Variants in CECR2 observed in about 807,000 individuals in gnomAD.
The protein encoded by CECR2 is chromatin remodeling regulator CECR2.
A neutral mutation model predicts 154.5 loss-of-function variants in CECR2; 30 were observed. That is an observed-to-expected ratio of 0.19 (90% CI 0.15 to 0.26). The LOEUF (loss-of-function observed/expected upper bound fraction) is 0.26, where lower values mean the gene tolerates loss of function less well. Among genes scored for constraint, CECR2 ranks in the 10% least tolerant of loss-of-function variants. The pLI is 1.00. For synonymous variants in CECR2, 725 were observed against 683.7 expected (o/e 1.06, Z -0.94); for missense variants, 1,743 against 1,829.3 (o/e 0.95, Z 0.86).
chr22:17,367,639 G>C (rs1015627075), upstream of CECR2, among the ~76,000 whole-genome samples: 1 of 152,204 alleles, frequency 6.6e-6, no homozygotes, highest in Non-Finnish European at 1.5e-5. Context: ...CACCCGCCTC[G>C]GCCTCCCAAA....
intron 1 of CECR2, among the ~76,000 whole-genome samples, chr22:17,386,169 A>G (rs886450017): frequency 3.9e-5 from 6 of 152,154 alleles, no homozygotes; most frequent in Admixed American, 3.9e-4. Context: ...AGTATTAGGA[A>G]AATGACAACG....
At chr22:17,496,280 G>A (rs544474097) in intron 2 of CECR2, among the ~76,000 whole-genome samples, 13 of 152,160 alleles carry the variant, frequency 8.5e-5, no homozygotes, top group African/African-American at 3.1e-4. Flanking sequence ...GGTGGATCAC[G>A]AGGTCAGGAG....
At chr22:17,366,412 C>T (rs2063002051), upstream of CECR2, among the ~76,000 whole-genome samples, 1 of 152,202 alleles carries the variant, frequency 6.6e-6, no homozygotes, top group Non-Finnish European at 1.5e-5. Flanking sequence ...TGGTCTCGAT[C>T]TCTTTACCTC....
intron 1 of CECR2, among the ~76,000 whole-genome samples, chr22:17,444,284 CAT>C (rs2054626256): frequency 6.6e-6 from 1 of 152,128 alleles, no homozygotes; most frequent in Non-Finnish European, 1.5e-5. Context: ...CACCAGGTGA[CAT>C]ATGAATAAGC....
rs148343228 is a variant in CECR2 at position 17,384,284 on chromosome 22, G to A, written c.126+14375G>A. Reference sequence around the variant, plus strand: ...TTTTTTGTAGAGATGGGGTCTCGCTGTGTTGCCCAGACTGGTCTTGACTTC... The same window carrying A: ...TTTTTTGTAGAGATGGGGTCTCGCTATGTTGCCCAGACTGGTCTTGACTTC... On this transcript the variant is annotated intron_variant, in intron 1 of 18. Transcript: ENST00000262608. Among the ~76,000 whole-genome samples the A allele has an allele frequency of 7.0e-3, 1,073 of 152,230 alleles. 11 individuals carry two copies. The highest frequency in any genetic ancestry group is 0.025 in the African/African-American group (1,031 of 41,532).
intron 13 of CECR2, 112 bp downstream of exon 13, chr22:17,539,231 G>T: frequency 8.1e-7 from 1 of 1,241,232 alleles, no homozygotes; most frequent in Non-Finnish European, 1.1e-6. Flanking sequence ...TGAACAGAAT[G>T]TGTATGAAAA....
At chr22:17,498,127 A>G (rs1429162702) in intron 3 of CECR2, among the ~76,000 whole-genome samples, 2 of 152,230 alleles carry the variant, frequency 1.3e-5, no homozygotes, top group African/African-American at 2.4e-5. Flanking sequence ...GCTGTGGCTC[A>G]CGCCTGTAAT....
chr22:17,496,555 C>G (rs933782214), intron 2 of CECR2, among the ~76,000 whole-genome samples: 3 of 151,942 alleles, frequency 2.0e-5, no homozygotes, highest in African/African-American at 7.3e-5. Flanking sequence ...ATGCAGTGTT[C>G]ATGCCTTAAA....
intron 1 of CECR2, among the ~76,000 whole-genome samples, chr22:17,456,468 G>A (rs1442264617): frequency 1.3e-5 from 2 of 152,112 alleles, no homozygotes; most frequent in Non-Finnish European, 2.9e-5. Flanking sequence ...TTTGTCATTT[G>A]TAATTTGAAA....
At chr22:17,442,865 G>A (rs1258256014) in intron 1 of CECR2, among the ~76,000 whole-genome samples, 1 of 152,182 alleles carries the variant, frequency 6.6e-6, no homozygotes, top group Non-Finnish European at 1.5e-5. Flanking sequence ...GATGATAGTA[G>A]TAATTCACAG....
At chr22:17,547,020 C>CA (rs2056624642) in intron 16 of CECR2, among the ~76,000 whole-genome samples, 1 of 116,210 alleles carries the variant, frequency 8.6e-6, no homozygotes, top group African/African-American at 3.4e-5. Context: ...GCCTGGGCAT[C>CA]AGAGTGAGAC....
chr22:17,481,958 T>C (rs534882455), intron 2 of CECR2, among the ~76,000 whole-genome samples: 109 of 149,888 alleles, frequency 7.3e-4, no homozygotes, highest in Non-Finnish European at 1.0e-3. Flanking sequence ...CTACTAAAGA[T>C]ACAAAAAAGT....
At chr22:17,477,467 T>C in intron 1 of CECR2, 121 bp from the exon 2 acceptor site, 1 of 698,638 alleles carries the variant, frequency 1.4e-6, no homozygotes, top group South Asian at 1.6e-5. Context: ...AGCTGATCTC[T>C]GGCAAGTCCT....
In CECR2 at chr22:17,553,575, A is replaced by G. The variant is rs2056740908; in HGVS notation, c.*735A>G. On this transcript the variant is annotated 3_prime_UTR_variant, in exon 19 of 19. Transcript: ENST00000262608. ...CTTCCTTCCTTCCAGTCAGCCTGAG[A>G]GAGAACACCTGTCCCCTAAGCACCT... 1 of 152,222 alleles carries G rather than the reference A, an allele frequency of 6.6e-6. No individual in the cohort carries two copies. The highest frequency in any genetic ancestry group is 2.4e-5 in the African/African-American group (1 of 41,438). The allele number at this position is 152,222 out of a possible 1,614,324, so 9.4% of individuals were successfully genotyped here.
At chr22:17,419,302 A>C (rs992339458) in intron 1 of CECR2, 5 of 160,330 alleles carry the variant, frequency 3.1e-5, no homozygotes, top group African/African-American at 1.2e-4. Flanking sequence ...AGAACTCCAC[A>C]TCGGCCTGAA....
intron 9 of CECR2, among the ~76,000 whole-genome samples, chr22:17,536,566 G>A (rs906755271): frequency 6.6e-6 from 1 of 152,212 alleles, no homozygotes; most frequent in Non-Finnish European, 1.5e-5. Context: ...GCCTGATCTG[G>A]GGGTGGGGTG....
At chr22:17,534,857 C>CA (rs551773727) in intron 9 of CECR2, 90 of 125,974 alleles carry the variant, frequency 7.1e-4, no homozygotes, top group Middle Eastern at 8.5e-3. Context: ...AACTCTGTCT[C>CA]AAAAAAAAAA....
At chr22:17,529,517 G>A (rs140403666) in intron 9 of CECR2, among the ~76,000 whole-genome samples, 5,871 of 151,668 alleles carry the variant, frequency 0.039, 227 homozygotes, top group African/African-American at 0.099. Flanking sequence ...TGACTAACAC[G>A]GTGAAACCCC....
At chr22:17,523,755 CAAA>C (rs66963477) in intron 8 of CECR2, among the ~76,000 whole-genome samples, 4,209 of 101,080 alleles carry the variant, frequency 0.042, 88 homozygotes, top group African/African-American at 0.1. Context: ...GACTCTATCT[CAAA>C]AAAAAAAAAA....
Sources: gnomAD v4.1 joint callset for allele counts (sites outside exome capture counted in the v4.1 genomes callset) on GRCh38, gnomAD v4.1.1 for gene constraint, MANE v1.5 for transcripts, NCBI Gene and HGNC (gene_info 2026-07-23, HGNC 2026-07-21) for gene names.